Variants in ALCAM observed in about 807,000 individuals in gnomAD.
ALCAM encodes the protein CD166 antigen.
In ALCAM, 30 loss-of-function variants were observed where a neutral mutation model predicts 70.9. That is an observed-to-expected ratio of 0.42 (90% confidence interval 0.32 to 0.57). The LOEUF (loss-of-function observed/expected upper bound fraction) is 0.57, where lower values mean the gene tolerates loss of function less well. ALCAM is among the 20% of genes least tolerant of loss of function. The probability of loss-of-function intolerance (pLI) is 0.11; values close to 1 mark genes in which losing one functional copy is unlikely to be tolerated. For missense variants in ALCAM, 591 were observed against 695.1 expected, an observed-to-expected ratio of 0.85 and a Z score of 1.68; for synonymous variants, 249 against 242.5, an observed-to-expected ratio of 1.03 and a Z score of -0.25.
At chr3:105,407,145 A>C (rs1936257621) in intron 1 of ALCAM, among the ~76,000 whole-genome samples, 1 of 152,136 alleles carries the variant, frequency 6.6e-6, no homozygotes, top group Non-Finnish European at 1.5e-5. Context: ...ATTGGCACCA[A>C]TCCTAATGAC....
intron 1 of ALCAM, among the ~76,000 whole-genome samples, chr3:105,384,889 A>C (rs1935611636): frequency 6.6e-6 from 1 of 151,628 alleles, no homozygotes; most frequent in Non-Finnish European, 1.5e-5. Flanking sequence ...GAGCAAAGAC[A>C]TTATCAAATA....
intron 1 of ALCAM, among the ~76,000 whole-genome samples, chr3:105,407,880 G>A (rs1181057307): frequency 6.6e-6 from 1 of 152,100 alleles, no homozygotes; most frequent in Non-Finnish European, 1.5e-5. Context: ...CAAAATTAAT[G>A]TACACAAATC....
chr3:105,455,907 T>C (rs929837442), intron 1 of ALCAM, among the ~76,000 whole-genome samples: 26 of 152,090 alleles, frequency 1.7e-4, no homozygotes, highest in African/African-American at 5.8e-4. Flanking sequence ...CTGGCAAACA[T>C]GGGGAAACCC....
At chr3:105,571,497 T>A (rs1559661210) in intron 14 of ALCAM, among the ~76,000 whole-genome samples, 1 of 152,190 alleles carries the variant, frequency 6.6e-6, no homozygotes, top group African/African-American at 2.4e-5. Context: ...AAAATTTTTT[T>A]GGAGAAAATT....
chr3:105,555,145 A>G (rs1338491906), intron 14 of ALCAM, among the ~76,000 whole-genome samples: 1 of 151,960 alleles, frequency 6.6e-6, no homozygotes, highest in Non-Finnish European at 1.5e-5. Flanking sequence ...CACTGACTTC[A>G]TGGTGTCTTT....
At chr3:105,389,740 C>A (rs754841704) in intron 1 of ALCAM, among the ~76,000 whole-genome samples, 8 of 151,146 alleles carry the variant, frequency 5.3e-5, no homozygotes, top group African/African-American at 1.5e-4. Context: ...GTCCCTCCCC[C>A]CTACCCCCTC....
At position 105,447,628 on chromosome 3, in the gene ALCAM, G is replaced by C. The variant is rs536850893; in HGVS notation, c.74-72439G>C. ...CTCCGGAGACTGAGGCAGGAGGATT[G>C]CTTAAGCCAGGGAGATCGAGCTGCA... On this transcript the variant is annotated intron_variant, in intron 1 of 15. Transcript: ENST00000306107. Among the ~76,000 whole-genome samples, 9 of 152,306 alleles carry C rather than the reference G, an allele frequency of 5.9e-5. No homozygotes were observed. The South Asian group carries it at 1.9e-3, about 32-fold the overall frequency.
chr3:105,380,746 G>A (rs114958703), intron 1 of ALCAM, among the ~76,000 whole-genome samples: 3,009 of 151,712 alleles, frequency 0.02, 44 homozygotes, highest in Non-Finnish European at 0.028. Context: ...AAATGAAATC[G>A]TCCAATTCTC....
Position 105,545,335 on chromosome 3 carries a change from A to G in ALCAM, c.1104A>G (p.Lys368=). ...GGAATGCAACTGTGGTATGGATGAA[A>G]GTAAGTAATATTTTTGGTACTACCC... ...ASRNATVVWM[K]DNIRLRSSPS... Residue 368 remains lysine, a splice_region_variant and synonymous_variant, in exon 9 of 16, where the codon AAA becomes AAG. Transcript: ENST00000306107. The G allele has an allele frequency of 6.2e-7, 1 of 1,601,080 alleles. No individual in the cohort carries two copies. The highest frequency in any genetic ancestry group is 8.6e-7 in the Non-Finnish European group (1 of 1,169,524).
chr3:105,431,840 C>T (rs1462962597), intron 1 of ALCAM, among the ~76,000 whole-genome samples: 3 of 152,084 alleles, frequency 2.0e-5, no homozygotes, highest in Non-Finnish European at 4.4e-5. Context: ...AGCCGTTCTT[C>T]CCAAACTGAG....
At chr3:105,473,579 T>A (rs897463486) in intron 1 of ALCAM, among the ~76,000 whole-genome samples, 1 of 151,648 alleles carries the variant, frequency 6.6e-6, no homozygotes, top group Non-Finnish European at 1.5e-5. Flanking sequence ...GGATAAGAAT[T>A]ACTCAAGTAT....
intron 1 of ALCAM, among the ~76,000 whole-genome samples, chr3:105,402,190 T>A (rs148305310): frequency 6.6e-6 from 1 of 152,314 alleles, no homozygotes; most frequent in East Asian, 1.9e-4. Flanking sequence ...AAATATTCCA[T>A]CAAGAAATGT....
chr3:105,468,911 C>G (rs927818114), intron 1 of ALCAM, among the ~76,000 whole-genome samples: 6 of 151,398 alleles, frequency 4.0e-5, no homozygotes, highest in African/African-American at 1.4e-4. Flanking sequence ...TAATCTTGAG[C>G]ATGAATGCTT....
At chr3:105,449,956 A>T (rs958407439) in intron 1 of ALCAM, among the ~76,000 whole-genome samples, 11 of 152,008 alleles carry the variant, frequency 7.2e-5, no homozygotes, top group Non-Finnish European at 1.5e-4. Flanking sequence ...TTAAACTCAA[A>T]CTCGTCTATT....
chr3:105,384,211 A>G (rs1228365938), intron 1 of ALCAM, among the ~76,000 whole-genome samples: 1 of 151,634 alleles, frequency 6.6e-6, no homozygotes, highest in Non-Finnish European at 1.5e-5. Flanking sequence ...ATTTTTACTG[A>G]AAAATAAACC....
chr3:105,541,018 C>G (rs1940101906), intron 7 of ALCAM, among the ~76,000 whole-genome samples: 1 of 151,956 alleles, frequency 6.6e-6, no homozygotes, highest in South Asian at 2.1e-4. Context: ...AAATTTGTGT[C>G]TCAGTTTTAG....
At chr3:105,474,550 C>T (rs6437593) in intron 1 of ALCAM, among the ~76,000 whole-genome samples, 28,285 of 151,208 alleles carry the variant, frequency 0.19, 2,817 homozygotes, top group East Asian at 0.37. Flanking sequence ...AAAAGCTCTG[C>T]CTTTACTGAC....
rs769204696 is a variant in ALCAM, at chr3:105,547,494, A to G, written c.1345A>G (p.Ile449Val). The change falls in exon 11 of 16, where the codon ATT (isoleucine) becomes GTT (valine). Residue 449 changes from isoleucine to valine, a missense_variant. Transcript: ENST00000306107. The stretch of plus-strand genomic sequence containing the variant: ...TCCAAAGCCAGCCATTCAATGGACA[A>G]TTACTGGCAGTGGAAGCGTCATAAA... ...GFPKPAIQWTITGSGSVINQT... is the reference protein window; with the variant it reads ...GFPKPAIQWTVTGSGSVINQT... The G allele has an allele frequency of 5.0e-6, 8 of 1,610,432 alleles. No homozygotes were observed. The East Asian group carries it at 1.1e-4, about 22-fold the overall frequency.
chr3:105,562,572 T>C (rs1472075607), intron 14 of ALCAM, among the ~76,000 whole-genome samples: 4 of 152,188 alleles, frequency 2.6e-5, no homozygotes, highest in Non-Finnish European at 5.9e-5. Context: ...TCTATGTTCA[T>C]GAGGAATATT....
Sources: gnomAD v4.1 joint callset for allele counts (sites outside exome capture counted in the v4.1 genomes callset) on GRCh38, gnomAD v4.1.1 for gene constraint, MANE v1.5 for transcripts, NCBI Gene and HGNC (gene_info 2026-07-23, HGNC 2026-07-21) for gene names.